CD109: variants seen among roughly 807,000 people sequenced by gnomAD.
CD109 encodes CD109 molecule.
A neutral mutation model predicts 165.8 loss-of-function variants in CD109; 149 were observed. The observed-to-expected ratio is 0.90, with a 90% confidence interval of 0.79 to 1.03. The LOEUF is 1.03. Ranked by LOEUF, CD109 falls within the 50% of genes least tolerant of loss-of-function variation. CD109 has a pLI of 0.00. For missense variants in CD109, 1,712 were observed against 1,677.8 expected, an observed-to-expected ratio of 1.02 and a Z score of -0.36; for synonymous variants, 585 against 592.1, an observed-to-expected ratio of 0.99 and a Z score of 0.18.
upstream of CD109, chr6:73,694,823 G>C (rs1414148842): frequency 6.6e-6 from 1 of 152,294 alleles, no homozygotes. Context: ...GAGACCAGTA[G>C]TAACAGCTGT....
chr6:73,736,529 T>G (rs530152965), intron 5 of CD109, 21 bp downstream of exon 5: 54 of 1,598,922 alleles, frequency 3.4e-5, no homozygotes, highest in Non-Finnish European at 4.2e-5. Context: ...ATATATTTTT[T>G]GGGGGGAATG....
At chr6:73,808,362 T>A in intron 26 of CD109, 114 bp downstream of exon 26, 2 of 1,013,184 alleles carry the variant, frequency 2.0e-6, no homozygotes, top group Non-Finnish European at 2.9e-6. Context: ...TGGTGAAAAG[T>A]AAAACACATA....
At chr6:73,724,407 G>T (rs1013025576) in intron 3 of CD109, among the ~76,000 whole-genome samples, 2 of 152,026 alleles carry the variant, frequency 1.3e-5, no homozygotes, top group African/African-American at 4.8e-5. Context: ...GCTTTGATTT[G>T]GAAGTTTATA....
chr6:73,735,542 G>C (rs1772510534), intron 4 of CD109, among the ~76,000 whole-genome samples: 1 of 152,192 alleles, frequency 6.6e-6, no homozygotes, highest in Non-Finnish European at 1.5e-5. Flanking sequence ...GGAAATGTGA[G>C]AGAGGAATCT....
chr6:73,705,290 G>A (rs1313897971), intron 2 of CD109, among the ~76,000 whole-genome samples: 1 of 152,136 alleles, frequency 6.6e-6, no homozygotes, highest in East Asian at 1.9e-4. Flanking sequence ...GAGAGACAGA[G>A]CTCATGGAAA....
chr6:73,737,473 AATG>A (rs1420803773), intron 5 of CD109, among the ~76,000 whole-genome samples: 1 of 135,370 alleles, frequency 7.4e-6, no homozygotes, highest in Non-Finnish European at 1.6e-5. Context: ...CTACCGAATG[AATG>A]TATGATGTGG....
At chr6:73,686,714 C>CA in the CD109 span, among the ~76,000 whole-genome samples, 1 of 151,982 alleles carries the variant, frequency 6.6e-6, no homozygotes, top group Non-Finnish European at 1.5e-5. Context: ...TTTTTTGAGA[C>CA]AGAGTCTTTC....
chr6:73,710,387 G>C (rs570804122), intron 2 of CD109, among the ~76,000 whole-genome samples: 21 of 152,226 alleles, frequency 1.4e-4, no homozygotes, highest in Admixed American at 5.9e-4. Context: ...ACTTACAAGG[G>C]ATGTGAAGGA....
At chr6:73,756,158 G>C (rs934591494) in intron 5 of CD109, among the ~76,000 whole-genome samples, 8 of 152,180 alleles carry the variant, frequency 5.3e-5, no homozygotes, top group Non-Finnish European at 1.2e-4. Context: ...AGTGAGGCAT[G>C]TTGTTCTATG....
chr6:73,726,860 C>T (rs1369522272), intron 3 of CD109, among the ~76,000 whole-genome samples: 1 of 152,186 alleles, frequency 6.6e-6, no homozygotes, highest in East Asian at 1.9e-4. Flanking sequence ...TTCAGACAGC[C>T]TCTCACTGTG....
In CD109 at chr6:73,818,510, G is replaced by A. The variant is rs771902591; in HGVS notation, c.4034G>A (p.Gly1345Glu). The A allele has an allele frequency of 1.9e-6, 3 of 1,613,000 alleles. No homozygotes were observed. The highest frequency in any genetic ancestry group is 1.7e-6 in the Non-Finnish European group (2 of 1,179,754). The stretch of plus-strand genomic sequence containing the variant: ...GTGAAGAAAGTGGAATATGATCATG[G>A]AAAACTCAACCTCTATTTAGATTCT... ...ETVKKVEYDH[G>E]KLNLYLDSVN... The change falls in exon 31 of 33, where the codon GGA becomes GAA. Residue 1345 changes from glycine to glutamate, a missense_variant. By Grantham distance (98) the Gly-to-Glu change is moderately conservative. Transcript: ENST00000287097.
chr6:73,704,324 G>A (rs1252684578), intron 2 of CD109, among the ~76,000 whole-genome samples: 1 of 152,156 alleles, frequency 6.6e-6, no homozygotes, highest in African/African-American at 2.4e-5. Flanking sequence ...AGGGTGAGTA[G>A]CATGCCCCTG....
intron 2 of CD109, among the ~76,000 whole-genome samples, chr6:73,720,784 G>A (rs963756884): frequency 1.3e-5 from 2 of 152,170 alleles, no homozygotes; most frequent in Non-Finnish European, 2.9e-5. Flanking sequence ...AGCGTCAACT[G>A]GGATAATCCT....
In CD109 at chr6:73,812,377, T is replaced by C. The variant is rs1775786202; in HGVS notation, c.3768+107T>C. The C allele has an allele frequency of 5.7e-6, 4 of 707,136 alleles. No individual in the cohort carries two copies. In the East Asian group the frequency reaches 1.1e-4, roughly 20 times the overall value. The allele number at this position is 707,136 out of a possible 1,614,324, so 43.8% of individuals were successfully genotyped here. A position where few individuals can be genotyped will look rare whatever the true frequency, so the allele number is the denominator to read the frequency against. ...ATAACTTGAATATAATTCCTAATGA[T>C]TTACATCTGTGACTTAAGCAAGATA... On this transcript the variant is annotated intron_variant, in intron 29 of 32. Transcript: ENST00000287097.
rs1562082480 is a variant in CD109, at chr6:73,808,245, GA to G, written c.3354del (p.Gly1119ValfsTer47). The G allele has an allele frequency of 2.5e-6, 4 of 1,612,174 alleles. No individual in the cohort carries two copies. The highest frequency in any genetic ancestry group is 3.4e-6 in the Non-Finnish European group (4 of 1,179,184). On this transcript the variant is annotated frameshift_variant and splice_region_variant, in exon 26 of 33. Transcript: ENST00000287097. LOFTEE classifies it high-confidence loss of function. ...LNMLTWRAEQ[E>X]GGMQFWVSSE... ...TATGCTGACTTGGAGAGCAGAACAA[GA>G]AGGTAATGTGCTGGGCCCACTTGAG... is the stretch of plus-strand genomic sequence containing the variant.
chr6:73,809,371 G>T (rs1252503950), intron 26 of CD109, among the ~76,000 whole-genome samples: 1 of 152,058 alleles, frequency 6.6e-6, no homozygotes, highest in Admixed American at 6.6e-5. Flanking sequence ...AAAATATTTT[G>T]GGGATGGCCT....
rs1471870248 is a variant in CD109 at position 73,788,461 on chromosome 6, TCAACAGGC to T, written c.2557-6_2558del. The T allele has an allele frequency of 6.2e-7, 1 of 1,607,496 alleles. No homozygotes were observed. Among genetic ancestry groups the T allele is most frequent in the Admixed American group, 1.7e-5 (1 of 57,716 alleles). On this transcript the variant is annotated splice_acceptor_variant and splice_polypyrimidine_tract_variant and coding_sequence_variant and intron_variant, in exon 22 of 33. Transcript: ENST00000287097. LOFTEE classifies it high-confidence loss of function. ...ACCATGTTAATTGTGTTCATTTTTT[TCAACAGGC>T]TGAAGGAATAGAAAAATCATATTCA...
intron 26 of CD109, among the ~76,000 whole-genome samples, chr6:73,809,625 T>G (rs1358528069): frequency 1.3e-5 from 2 of 152,150 alleles, no homozygotes; most frequent in Non-Finnish European, 2.9e-5. Flanking sequence ...ATCATGTCAG[T>G]GCTCAAAAAG....
At chr6:73,798,518 A>T (rs1775250657) in intron 23 of CD109, among the ~76,000 whole-genome samples, 2 of 152,126 alleles carry the variant, frequency 1.3e-5, no homozygotes, top group Non-Finnish European at 2.9e-5. Flanking sequence ...TGAGGAAGGA[A>T]ACCTCACAGG....
Sources: gnomAD v4.1 joint callset for allele counts (sites outside exome capture counted in the v4.1 genomes callset) on GRCh38, gnomAD v4.1.1 for gene constraint, MANE v1.5 for transcripts, NCBI Gene and HGNC (gene_info 2026-07-23, HGNC 2026-07-21) for gene names.